DCT: variants seen among roughly 807,000 people sequenced by gnomAD.
The protein encoded by DCT is L-dopachrome tautomerase.
A neutral mutation model predicts 53.0 loss-of-function variants in DCT; 47 were observed. The ratio of observed to expected loss-of-function variants is 0.89; its 90% CI spans 0.70 to 1.13. The LOEUF (loss-of-function observed/expected upper bound fraction) is 1.13, where lower values mean the gene tolerates loss of function less well. DCT is among the 50% of genes most tolerant of loss of function. The pLI, the probability that DCT is intolerant of heterozygous loss-of-function variation, is 0.00. For missense variants in DCT, 669 were observed against 637.4 expected, an observed-to-expected ratio of 1.05 and a Z score of -0.53; for synonymous variants, 244 against 237.0, an observed-to-expected ratio of 1.03 and a Z score of -0.27.
intron 4 of DCT, 26 bp from the exon 5 acceptor site, chr13:94,462,215 T>C: frequency 6.3e-7 from 1 of 1,580,886 alleles, no homozygotes; most frequent in African/African-American, 1.3e-5. Context: ...AGATTTAAAA[T>C]AATATATGTT....
the DCT span, among the ~76,000 whole-genome samples, chr13:94,488,327 A>T: frequency 2.0e-5 from 3 of 152,108 alleles, no homozygotes; most frequent in Admixed American, 6.5e-5. Context: ...GGGCTGAAAA[A>T]ATATATATAT....
chr13:94,477,551 C>G (rs1338685153), intron 1 of DCT, among the ~76,000 whole-genome samples: 1 of 152,212 alleles, frequency 6.6e-6, no homozygotes, highest in Non-Finnish European at 1.5e-5. Context: ...CGCACACTAC[C>G]TGGGTGACAG....
upstream of DCT, among the ~76,000 whole-genome samples, chr13:94,481,668 T>G (rs1036077191): frequency 2.6e-5 from 4 of 152,202 alleles, no homozygotes; most frequent in Non-Finnish European, 5.9e-5. Context: ...CTATCATGAC[T>G]TTCCAAAATT....
At chr13:94,506,645 T>A in the DCT span, among the ~76,000 whole-genome samples, 18 of 152,108 alleles carry the variant, frequency 1.2e-4, no homozygotes, top group Admixed American at 5.9e-4. Flanking sequence ...TCCACAGTAA[T>A]CATTATGGAT....
At chr13:94,536,996 TG>T in the DCT span, among the ~76,000 whole-genome samples, 118 of 152,284 alleles carry the variant, frequency 7.7e-4, no homozygotes, top group South Asian at 2.5e-3. Context: ...TGAGCAGGTG[TG>T]GGTGCCATGT....
At chr13:94,500,963 T>C in the DCT span, among the ~76,000 whole-genome samples, 1 of 152,174 alleles carries the variant, frequency 6.6e-6, no homozygotes, top group African/African-American at 2.4e-5. Flanking sequence ...CACAGTGATT[T>C]TTAGTTTCTT....
chr13:94,493,276 C>T, the DCT span, among the ~76,000 whole-genome samples: 5 of 152,028 alleles, frequency 3.3e-5, no homozygotes, highest in Non-Finnish European at 7.4e-5. Flanking sequence ...GAAATGCCTG[C>T]CCCCCACGAC....
chr13:94,443,494 ATT>A lies in DCT; in HGVS notation c.1321_1322del (p.Asn441Ter), dbSNP rs1882493070. 1.9e-6 allele frequency: 3 copies of A among 1,614,006 alleles called. No homozygotes were observed. The highest frequency in any genetic ancestry group is 1.7e-5 in the Admixed American group (1 of 60,006). On this transcript the variant is annotated frameshift_variant, in exon 7 of 8. Coordinates refer to ENST00000377028, the MANE Select transcript of DCT (RefSeq NM_001922.5). LOFTEE classifies it high-confidence loss of function. ...NMVPFFPPVT[N>X]EELFLTSDQL... ...GGTCTGAGGTTAAAAAGAGTTCTTCATTAGTCACTGGAGGGAAGAAAGGAACC... is the reference window on the plus strand; with the variant it reads ...GGTCTGAGGTTAAAAAGAGTTCTTCAAGTCACTGGAGGGAAGAAAGGAACC...
chr13:94,477,769 A>G (rs1038888235), intron 1 of DCT, among the ~76,000 whole-genome samples: 80 of 152,184 alleles, frequency 5.3e-4, no homozygotes, highest in African/African-American at 1.8e-3. Flanking sequence ...ATATCCTCCT[A>G]TGTTCCAGCA....
chr13:94,444,242 A>C (rs1594272970), intron 6 of DCT: 1 of 287,698 alleles, frequency 3.5e-6, no homozygotes, highest in East Asian at 8.4e-5. Context: ...GGTATAATGC[A>C]AGTATTCCGA....
At chr13:94,510,941 A>G in the DCT span, among the ~76,000 whole-genome samples, 2 of 152,128 alleles carry the variant, frequency 1.3e-5, no homozygotes, top group Admixed American at 1.3e-4. Context: ...CCTCCTGCAC[A>G]TTCTACTTCC....
At chr13:94,529,097 A>C in the DCT span, among the ~76,000 whole-genome samples, 2 of 152,244 alleles carry the variant, frequency 1.3e-5, no homozygotes, top group Admixed American at 6.5e-5. Flanking sequence ...TAACTATCCT[A>C]AACATATATG....
At chr13:94,441,928 T>G (rs1365789416) in intron 7 of DCT, among the ~76,000 whole-genome samples, 1 of 152,166 alleles carries the variant, frequency 6.6e-6, no homozygotes, top group Non-Finnish European at 1.5e-5. Context: ...CATACTGTTT[T>G]CCATAGTGGC....
Position 94,440,088 on chromosome 13 carries a change from G to A in DCT, c.1382-12C>T, listed in dbSNP as rs760193446. On this transcript the variant is annotated splice_polypyrimidine_tract_variant and intron_variant, in intron 7 of 7. Transcript: ENST00000377028. ...TTCTTCAACTGAAACTAAAGCAGAA[G>A]AGAAGGGTCTACAATCAGGATTTTC... is the stretch of plus-strand genomic sequence containing the variant. 3.7e-6 allele frequency: 6 copies of A among 1,610,260 alleles called. No homozygotes were observed. Among genetic ancestry groups the A allele is most frequent in the Non-Finnish European group, 5.1e-6 (6 of 1,177,560 alleles).
At position 94,462,028 on chromosome 13, in the gene DCT, T is replaced by C. The variant is rs1432621444; in HGVS notation, c.1025A>G (p.Asn342Ser). 7 of 1,612,762 alleles carry C rather than the reference T, an allele frequency of 4.3e-6. No homozygotes were observed. Among genetic ancestry groups the C allele is most frequent in the Non-Finnish European group, 5.9e-6 (7 of 1,179,776 alleles). The change falls in exon 5 of 8, where the codon AAC (asparagine) becomes AGC (serine). Residue 342 changes from asparagine (N) to serine (S), a missense_variant. Asn to Ser is a conservative substitution (Grantham distance 46, BLOSUM62 1). Transcript: ENST00000377028. ...QKFDNPPFFQ[N>S]STFSFRNALE... ...CACCCACCTGAAACTGAAGGTAGAG[T>C]TCTGGAAGAAGGGAGGATTGTCAAA...
the DCT span, among the ~76,000 whole-genome samples, chr13:94,549,389 G>C: frequency 2.0e-5 from 3 of 152,194 alleles, no homozygotes; most frequent in Non-Finnish European, 4.4e-5. Flanking sequence ...CGCGTCTTCC[G>C]GCGCCGAGGG....
chr13:94,523,766 C>T, the DCT span, among the ~76,000 whole-genome samples: 1 of 152,092 alleles, frequency 6.6e-6, no homozygotes, highest in Admixed American at 6.6e-5. Context: ...TGTATTTACA[C>T]CCCCACATAA....
At chr13:94,521,327 C>A in the DCT span, among the ~76,000 whole-genome samples, 1 of 152,168 alleles carries the variant, frequency 6.6e-6, no homozygotes, top group African/African-American at 2.4e-5. Context: ...AATAGAGGAA[C>A]CTAAATATTT....
At chr13:94,440,905 T>G (rs1158176386) in intron 7 of DCT, among the ~76,000 whole-genome samples, 1 of 152,170 alleles carries the variant, frequency 6.6e-6, no homozygotes, top group East Asian at 1.9e-4. Flanking sequence ...GGTCTGAAAC[T>G]CCTGACTGCA....
Sources: allele counts gnomAD v4.1 joint callset (sites outside exome capture counted in the v4.1 genomes callset), GRCh38; gene constraint gnomAD v4.1.1; transcripts MANE v1.5; gene names NCBI Gene and HGNC (gene_info 2026-07-23, HGNC 2026-07-21).